The following NIT1 variants were observed in gnomAD, a reference collection of about 807,000 sequenced individuals.
NIT1 encodes the protein nitrilase 1.
In NIT1, 30 loss-of-function variants were observed where a neutral mutation model predicts 36.8. That is an observed-to-expected ratio of 0.82 (90% CI 0.61 to 1.11). The LOEUF (loss-of-function observed/expected upper bound fraction) is 1.11, where lower values mean the gene tolerates loss of function less well. NIT1 is among the 50% of genes least tolerant of loss of function. The pLI, the probability that NIT1 is intolerant of heterozygous loss-of-function variation, is 0.00. For missense variants in NIT1, 438 were observed against 410.6 expected (o/e 1.07, Z -0.58); for synonymous variants, 151 against 155.6 (o/e 0.97, Z 0.22).
chr1:161,121,525 G>C (rs1164304788), downstream of NIT1: 1 of 154,182 alleles, frequency 6.5e-6, no homozygotes, highest in Non-Finnish European at 1.4e-5. Context: ...CTTTGAAGAG[G>C]GTTTGACAAA....
In NIT1 at chr1:161,120,867, C is replaced by T. The variant is rs1015094862; in HGVS notation, c.*102C>T. 2 of 1,494,614 alleles carry T rather than the reference C, an allele frequency of 1.3e-6. No individual in the cohort carries two copies. Among genetic ancestry groups the T allele is most frequent in the South Asian group, 2.7e-5 (2 of 74,280 alleles). The allele number at this position is 1,494,614 out of a possible 1,614,324, so 92.6% of individuals were successfully genotyped here. On this transcript the variant is annotated 3_prime_UTR_variant, in exon 7 of 7. Transcript: ENST00000368009. ...GAGGCAGGATCCAGGCACAGCTCCC[C>T]TCACTTGGAGAACCTTGACTCTCTT...
At position 161,119,545 on chromosome 1, in the gene NIT1, T is replaced by C. The variant is rs368206621; in HGVS notation, c.390T>C (p.His130=). Residue 130 remains histidine, a synonymous_variant, in exon 4 of 7, where the codon CAT becomes CAC. Transcript: ENST00000368009. ...CGLWLSLGGF[H]ERGQDWEQTQ... is the part of the protein sequence containing the mutation. ...TCTGGCTGTCCTTGGGTGGTTTCCA[T>C]GAGCGTGGCCAAGACTGGGAGCAGA... 1.9e-6 allele frequency: 3 copies of C among 1,613,488 alleles called. No individual in the cohort carries two copies. Among genetic ancestry groups the C allele is most frequent in the Non-Finnish European group, 2.5e-6 (3 of 1,179,390 alleles).
At chr1:161,119,756 C>T in intron 4 of NIT1, 63 bp from the exon 5 acceptor site, 1 of 1,576,324 alleles carries the variant, frequency 6.3e-7, no homozygotes, top group Non-Finnish European at 8.6e-7. Flanking sequence ...CTATCTCCTC[C>T]TTGGGAGGAG....
In NIT1 at chr1:161,119,498, C is replaced by T. The variant is rs182544592; in HGVS notation, c.354-11C>T. On this transcript the variant is annotated splice_polypyrimidine_tract_variant and intron_variant, in intron 3 of 6. Transcript: ENST00000368009. ...AGTCAGTGAAGAGTTGTCAGTGTCCCTTCCCCCCAGGGAATGTGGACTCTG... is the reference window on the plus strand; with the variant it reads ...AGTCAGTGAAGAGTTGTCAGTGTCCTTTCCCCCCAGGGAATGTGGACTCTG... 275 of 1,613,636 alleles carry T rather than the reference C, an allele frequency of 1.7e-4. 2 individuals carry two copies. The East Asian group carries it at 4.4e-3, about 26-fold the overall frequency.
downstream of NIT1, among the ~76,000 whole-genome samples, chr1:161,122,807 C>A (rs181401042): frequency 2.0e-5 from 3 of 152,176 alleles, no homozygotes; most frequent in Admixed American, 2.0e-4. The surrounding 1 kb of genome is among the most constrained non-coding windows in gnomAD (Gnocchi z 4.2). Flanking sequence ...CATAGAAGTT[C>A]ATTTTAATAC....
Position 161,118,469 on chromosome 1 carries a change from T to G in NIT1, c.2+291T>G, listed in dbSNP as rs571394571. 3.3e-6 allele frequency: 5 copies of G among 1,535,910 alleles called. No homozygotes were observed. The South Asian group carries it at 4.8e-5, about 15-fold the overall frequency. Reference sequence around the variant, plus strand: ...CGCAAGTGCACAGTCAAGGAGAGAGTCTTGGGAAAACCAAGGATAGTTCCC... The same window carrying G: ...CGCAAGTGCACAGTCAAGGAGAGAGGCTTGGGAAAACCAAGGATAGTTCCC... On this transcript the variant is annotated intron_variant, in intron 1 of 6. Coordinates refer to ENST00000368009, the MANE Select transcript of NIT1 (RefSeq NM_005600.3).
intron 1 of NIT1, chr1:161,118,430 A>T (rs1041904123): frequency 6.5e-7 from 1 of 1,535,654 alleles, no homozygotes. Context: ...ATATGCTTCG[A>T]GTCAGTAAAG....
At chr1:161,118,954 CAG>C in intron 2 of NIT1, 73 bp downstream of exon 2, 1 of 1,362,540 alleles carries the variant, frequency 7.3e-7, no homozygotes, top group East Asian at 2.3e-5. Context: ...GTGGGAGACA[CAG>C]GAGTGTCAAC....
At chr1:161,123,003 C>T (rs769589484), downstream of NIT1, 1 of 1,614,102 alleles carries the variant, frequency 6.2e-7, no homozygotes, top group Non-Finnish European at 8.5e-7. Context: ...GCATAAACTG[C>T]CCAGTGTCCC....
At chr1:161,120,042 A>C (rs894319999) in intron 5 of NIT1, 65 bp from the exon 6 acceptor site, 2 of 1,609,824 alleles carry the variant, frequency 1.2e-6, no homozygotes, top group Non-Finnish European at 1.7e-6. Context: ...GGGTAATGGA[A>C]ATATGACTAG....
At position 161,120,168 on chromosome 1, in the gene NIT1, C is replaced by G. The variant is rs147269138; in HGVS notation, c.653C>G (p.Ala218Gly). The G allele has an allele frequency of 1.2e-6, 2 of 1,614,028 alleles. No homozygotes were observed. Among genetic ancestry groups the G allele is most frequent in the Admixed American group, 1.7e-5 (1 of 60,002 alleles). The part of the protein sequence containing the change: ...FPELSLALAQ[A>G]GAEILTYPSA... ...GAACTCTCTCTGGCATTGGCTCAAG[C>G]TGGAGCAGAGATACTTACCTATCCT... Residue 218 changes from alanine (A) to glycine (G), a missense_variant, in exon 6 of 7, where the codon GCT becomes GGT. By Grantham distance (60) the Ala-to-Gly change is moderately conservative (BLOSUM62 0). Transcript: ENST00000368009.
chr1:161,122,021 CT>C, downstream of NIT1: 23 of 1,119,866 alleles, frequency 2.1e-5, no homozygotes, highest in Non-Finnish European at 2.3e-5. The surrounding 1 kb of genome is among the most constrained non-coding windows in gnomAD (Gnocchi z 4.2). Context: ...TTGTCTTTTT[CT>C]TTAAAAAAAA....
Position 161,119,561 on chromosome 1 carries a change from T to G in NIT1, c.406T>G (p.Trp136Gly), listed in dbSNP as rs766880182. 1.2e-5 allele frequency: 19 copies of G among 1,614,064 alleles called. No individual in the cohort carries two copies. Among genetic ancestry groups the G allele is most frequent in the Non-Finnish European group, 1.4e-5 (17 of 1,180,038 alleles). The change falls in exon 4 of 7, where the codon TGG becomes GGG. Residue 136 changes from tryptophan (W) to glycine (G), a missense_variant. Trp to Gly is a radical substitution (Grantham distance 184). Coordinates refer to ENST00000368009, the MANE Select transcript of NIT1 (RefSeq NM_005600.3). Reference protein sequence around the residue: ...LGGFHERGQDWEQTQKIYNCH... With the variant: ...LGGFHERGQDGEQTQKIYNCH... ...TGGTTTCCATGAGCGTGGCCAAGACTGGGAGCAGACTCAGAAAATCTACAA... is the reference window on the plus strand; with the variant it reads ...TGGTTTCCATGAGCGTGGCCAAGACGGGGAGCAGACTCAGAAAATCTACAA...
downstream of NIT1, among the ~76,000 whole-genome samples, chr1:161,123,544 G>A (rs1655784120): frequency 6.6e-6 from 1 of 151,744 alleles, no homozygotes; most frequent in Admixed American, 6.6e-5. Flanking sequence ...GCTGAGGCAG[G>A]AGAATGGCGT....
Position 161,119,845 on chromosome 1 carries a change from A to T in NIT1, c.484A>T (p.Thr162Ser). The T allele has an allele frequency of 1.2e-6, 2 of 1,610,238 alleles. No homozygotes were observed. The highest frequency in any genetic ancestry group is 1.7e-6 in the Non-Finnish European group (2 of 1,178,406). ...KGAVVATYRK[T>S]HLCDVEIPGQ... Reference sequence around the variant, plus strand: ...GGCAGTAGTGGCCACTTACAGGAAGACACATCTGTGTGACGTAGAGATTCC... The same window carrying T: ...GGCAGTAGTGGCCACTTACAGGAAGTCACATCTGTGTGACGTAGAGATTCC... Residue 162 changes from threonine to serine, a missense_variant, in exon 5 of 7, where the codon ACA becomes TCA. Coordinates refer to ENST00000368009, the MANE Select transcript of NIT1 (RefSeq NM_005600.3).
chr1:161,118,445 G>T, intron 1 of NIT1: 2 of 1,536,028 alleles, frequency 1.3e-6, no homozygotes, highest in African/African-American at 1.4e-5. Flanking sequence ...GTAAAGCTGC[G>T]CAAGTGCACA....
chr1:161,121,932 TAAATGGA>T (rs1384204798), downstream of NIT1: 6 of 570,196 alleles, frequency 1.1e-5, no homozygotes, highest in African/African-American at 9.6e-5. Flanking sequence ...CATTACGGGG[TAAATGGA>T]AAAGGGAAAT....
downstream of NIT1, among the ~76,000 whole-genome samples, chr1:161,123,401 A>C (rs1204476821): frequency 2.6e-5 from 4 of 152,314 alleles, no homozygotes; most frequent in African/African-American, 4.8e-5. Flanking sequence ...GCACTTTGGG[A>C]GGCCAAGGCG....
chr1:161,120,360 T>G (rs1655320402), intron 6 of NIT1, 128 bp downstream of exon 6: 2 of 1,462,560 alleles, frequency 1.4e-6, no homozygotes, highest in African/African-American at 1.4e-5. Flanking sequence ...ATTTCTCTCA[T>G]GAATAGTTAA....
Sources: gnomAD v4.1 joint callset for allele counts (sites outside exome capture counted in the v4.1 genomes callset) on GRCh38, gnomAD v4.1.1 for gene constraint, Gnocchi (gnomAD v3.1) non-coding constraint, MANE v1.5 for transcripts, NCBI Gene and HGNC (gene_info 2026-07-23, HGNC 2026-07-21) for gene names.